OPCML: variants seen among roughly 807,000 people sequenced by gnomAD.
OPCML encodes the protein opioid binding protein/cell adhesion molecule like.
In OPCML, 13 loss-of-function variants were observed where a neutral mutation model predicts 37.8. The ratio of observed to expected loss-of-function variants is 0.34; its 90% CI spans 0.22 to 0.55. The LOEUF (loss-of-function observed/expected upper bound fraction) is 0.55, where lower values mean the gene tolerates loss of function less well. Ranked by LOEUF, OPCML falls within the 20% of genes least tolerant of loss-of-function variation. The pLI, the probability that OPCML is intolerant of heterozygous loss-of-function variation, is 0.91. For missense variants in OPCML, 341 were observed against 435.6 expected (o/e 0.78, Z 1.93); for synonymous variants, 176 against 168.8 (o/e 1.04, Z -0.33).
At chr11:133,329,408 G>A (rs937566132) in intron 1 of OPCML, among the ~76,000 whole-genome samples, 3 of 152,116 alleles carry the variant, frequency 2.0e-5, no homozygotes, top group Non-Finnish European at 4.4e-5. Context: ...AAAGCTGGAG[G>A]CATCACGCTA....
chr11:133,452,741 T>C (rs1402219524), intron 1 of OPCML, among the ~76,000 whole-genome samples: 1 of 151,700 alleles, frequency 6.6e-6, no homozygotes, highest in Non-Finnish European at 1.5e-5. Flanking sequence ...AGTGAGACAT[T>C]TAACCACAGT....
intron 1 of OPCML, among the ~76,000 whole-genome samples, chr11:133,185,170 C>A (rs551128569): frequency 6.6e-6 from 1 of 152,322 alleles, no homozygotes; most frequent in Non-Finnish European, 1.5e-5. Context: ...ATCTATCAAT[C>A]ACTGTATTAG....
intron 1 of OPCML, among the ~76,000 whole-genome samples, chr11:133,078,189 C>A (rs953939767): frequency 6.6e-6 from 1 of 152,098 alleles, no homozygotes; most frequent in Non-Finnish European, 1.5e-5. Context: ...GGGGTGTGGA[C>A]GCACCGAGCA....
chr11:133,426,318 T>G (rs1946001328), intron 1 of OPCML, among the ~76,000 whole-genome samples: 1 of 152,134 alleles, frequency 6.6e-6, no homozygotes, highest in South Asian at 2.1e-4. Context: ...TAGCAGCTCC[T>G]GATGTTATCT....
rs369982239 is a variant in OPCML, at chr11:133,202,108, G to C, written c.62-259098C>G. ...GTGAAAAGATAGACATAAAGAAATA[G>C]ACAAAGATCCGGGAATGATTTAGGT... On this transcript the variant is annotated intron_variant, in intron 1 of 7. Coordinates refer to ENST00000524381, the MANE Select transcript of OPCML (RefSeq NM_001012393.5). Among the ~76,000 whole-genome samples the C allele has an allele frequency of 3.7e-4, 56 of 152,244 alleles. No homozygotes were observed. In the East Asian group the frequency reaches 5.0e-3, roughly 14 times the overall value.
At chr11:132,568,351 T>C (rs528869543) in intron 3 of OPCML, among the ~76,000 whole-genome samples, 36 of 152,356 alleles carry the variant, frequency 2.4e-4, no homozygotes, top group African/African-American at 8.7e-4. Flanking sequence ...TCATCTCCGT[T>C]GTACAGAATG....
intron 3 of OPCML, among the ~76,000 whole-genome samples, chr11:132,591,275 G>A (rs972735383): frequency 6.6e-6 from 1 of 152,160 alleles, no homozygotes; most frequent in Admixed American, 6.5e-5. Context: ...CCTTGAACCA[G>A]GCAGGTGGCT....
intron 1 of OPCML, among the ~76,000 whole-genome samples, chr11:133,287,277 T>TTCTTTC (rs1347489183): frequency 6.5e-4 from 89 of 137,238 alleles, no homozygotes; most frequent in African/African-American, 2.4e-3. Context: ...CTTTCTTTCT[T>TTCTTTC]TTTTTTTTTT....
chr11:132,478,961 T>C (rs985628426), intron 4 of OPCML, among the ~76,000 whole-genome samples: 4 of 151,204 alleles, frequency 2.6e-5, no homozygotes, highest in African/African-American at 7.3e-5. Flanking sequence ...TGTTCAGGCA[T>C]TTTTTTTTCA....
In OPCML at chr11:133,173,825, A is replaced by G. The variant is rs1950322367; in HGVS notation, c.62-230815T>C. ...CATAGCAATACGACAGAGCCTAAAG[A>G]TGCAGGCCTTGAGTTTATGAGGCAA... On this transcript the variant is annotated intron_variant, in intron 1 of 7. Coordinates refer to ENST00000524381, the MANE Select transcript of OPCML (RefSeq NM_001012393.5). This position sits in a 1 kb window ranked among gnomAD's most constrained non-coding sequence, Gnocchi z 7.8. Among the ~76,000 whole-genome samples the G allele has an allele frequency of 6.6e-6, 1 of 152,156 alleles. No homozygotes were observed.
intron 1 of OPCML, among the ~76,000 whole-genome samples, chr11:133,385,308 A>G (rs1450917753): frequency 6.6e-6 from 1 of 152,202 alleles, no homozygotes; most frequent in Non-Finnish European, 1.5e-5. Context: ...CACTCAGCGA[A>G]GACCCTCTCA....
chr11:133,237,863 G>A (rs12801254), intron 1 of OPCML, among the ~76,000 whole-genome samples: 1 of 152,324 alleles, frequency 6.6e-6, no homozygotes, highest in South Asian at 2.1e-4. Flanking sequence ...CCTGGTGCCA[G>A]AGGAGGATGG....
chr11:133,369,423 G>T (rs530527345), intron 1 of OPCML, among the ~76,000 whole-genome samples: 1 of 152,238 alleles, frequency 6.6e-6, no homozygotes, highest in South Asian at 2.1e-4. Flanking sequence ...AGCAAGAAAG[G>T]CCAAGTTATT....
chr11:133,224,147 T>C (rs1391177404), intron 1 of OPCML, among the ~76,000 whole-genome samples: 1 of 152,142 alleles, frequency 6.6e-6, no homozygotes, highest in East Asian at 1.9e-4. Flanking sequence ...CATTTTGGGT[T>C]GGGATCAGGA....
chr11:132,812,937 G>A (rs1939428088), intron 2 of OPCML, among the ~76,000 whole-genome samples: 1 of 152,128 alleles, frequency 6.6e-6, no homozygotes. Context: ...CTATACAGAG[G>A]TCCTATAACT....
intron 1 of OPCML, among the ~76,000 whole-genome samples, chr11:132,952,844 GA>G (rs1350307900): frequency 3.3e-5 from 5 of 152,128 alleles, no homozygotes; most frequent in Non-Finnish European, 5.9e-5. Flanking sequence ...CATGATGGGG[GA>G]TAGTCAATTC....
chr11:132,920,204 C>T (rs1944742504), intron 2 of OPCML, among the ~76,000 whole-genome samples: 1 of 152,204 alleles, frequency 6.6e-6, no homozygotes, highest in South Asian at 2.1e-4. Flanking sequence ...GTGTGAATAT[C>T]AAGCAAGGCA....
At chr11:132,957,767 T>C (rs1366588749) in intron 1 of OPCML, among the ~76,000 whole-genome samples, 1 of 152,214 alleles carries the variant, frequency 6.6e-6, no homozygotes, top group Admixed American at 6.5e-5. Context: ...TTGATGTTAC[T>C]ATTTTAATTG....
intron 1 of OPCML, chr11:133,298,106 C>T (rs73600456): frequency 0.048 from 7,368 of 152,140 alleles, 205 homozygotes; most frequent in Middle Eastern, 0.077. Context: ...TCTTTATAAG[C>T]AACATAGGGC....
Sources: allele counts gnomAD v4.1 joint callset (sites outside exome capture counted in the v4.1 genomes callset), GRCh38; gene constraint gnomAD v4.1.1; non-coding constraint Gnocchi (gnomAD v3.1); transcripts MANE v1.5; gene names NCBI Gene and HGNC (gene_info 2026-07-23, HGNC 2026-07-21).